The following CRYL1 variants were observed in gnomAD, a reference collection of about 807,000 sequenced individuals.
CRYL1 encodes the protein lambda-crystallin homolog.
Under a neutral mutation model 36.6 loss-of-function variants are expected in CRYL1, and 29 were observed. That is an observed-to-expected ratio of 0.79 (90% CI 0.59 to 1.08). CRYL1 has a LOEUF of 1.08. Ranked by LOEUF, CRYL1 falls within the 50% of genes least tolerant of loss-of-function variation. CRYL1 has a pLI of 0.00. For synonymous variants in CRYL1, 152 were observed against 151.5 expected, an observed-to-expected ratio of 1.00 and a Z score of -0.02; for missense variants, 411 against 407.9, an observed-to-expected ratio of 1.01 and a Z score of -0.06.
At chr13:20,406,583 G>A (rs1022864419) in intron 6 of CRYL1, among the ~76,000 whole-genome samples, 1 of 152,088 alleles carries the variant, frequency 6.6e-6, no homozygotes, top group African/African-American at 2.4e-5. Context: ...TACTGTAGAT[G>A]GCTTAGCATT....
intron 6 of CRYL1, among the ~76,000 whole-genome samples, chr13:20,412,422 T>C (rs1178013740): frequency 6.6e-6 from 1 of 152,160 alleles, no homozygotes; most frequent in Non-Finnish European, 1.5e-5. Context: ...TATTAATCTA[T>C]AGTAATTGTA....
At chr13:20,514,346 C>G (rs1392366438) in intron 1 of CRYL1, among the ~76,000 whole-genome samples, 2 of 152,134 alleles carry the variant, frequency 1.3e-5, no homozygotes, top group African/African-American at 4.8e-5. Flanking sequence ...ATGCTTTATC[C>G]CTGTGGTCTT....
intron 4 of CRYL1, among the ~76,000 whole-genome samples, chr13:20,433,422 G>A (rs931272937): frequency 1.2e-4 from 18 of 152,184 alleles, no homozygotes; most frequent in African/African-American, 4.3e-4. Flanking sequence ...TGGGTGATAG[G>A]TAGAATGTCA....
intron 2 of CRYL1, among the ~76,000 whole-genome samples, chr13:20,504,013 G>A (rs944631425): frequency 7.9e-5 from 12 of 152,162 alleles, no homozygotes; most frequent in African/African-American, 2.9e-4. Flanking sequence ...ATGTACAGAT[G>A]GTGGAGAAAC....
At position 20,497,188 on chromosome 13, in the gene CRYL1, G is replaced by A. The variant is rs920259977; in HGVS notation, c.150-7692C>T. Among the ~76,000 whole-genome samples the A allele has an allele frequency of 8.6e-5, 13 of 151,894 alleles. 1 individual carries two copies. Among genetic ancestry groups the A allele is most frequent in the Non-Finnish European group, 5.9e-5 (4 of 67,974 alleles). On this transcript the variant is annotated intron_variant, in intron 2 of 7. Transcript: ENST00000298248. ...GGCCAGACACAAGAGGCCGTTGGGG[G>A]GTGCTACAGATACCAGGGGCTTCAG...
At position 20,439,728 on chromosome 13, in the gene CRYL1, C is replaced by G; in HGVS notation, c.303G>C (p.Leu101=). Residue 101 remains leucine (L), a synonymous_variant, in exon 4 of 8, where the codon CTG becomes CTC. Transcript: ENST00000298248. Reference sequence around the variant, plus strand: ...CTAACTGAGCAAAAATCTTCTTCTTCAGTTCTAGATCTTCTGGAACACATT... The same window carrying G: ...CTAACTGAGCAAAAATCTTCTTCTTGAGTTCTAGATCTTCTGGAACACATT... ...IQECVPEDLE[L]KKKIFAQLDS... is the part of the protein sequence containing the mutation. 6.2e-7 allele frequency: 1 copy of G among 1,614,072 alleles called. No homozygotes were observed. Among genetic ancestry groups the G allele is most frequent in the Non-Finnish European group, 8.5e-7 (1 of 1,179,998 alleles).
At chr13:20,522,569 G>A (rs186675657) in intron 1 of CRYL1, among the ~76,000 whole-genome samples, 26 of 152,126 alleles carry the variant, frequency 1.7e-4, no homozygotes, top group Non-Finnish European at 2.2e-4. Flanking sequence ...TTGGGACCAC[G>A]CATGGTGGAT....
intron 1 of CRYL1, among the ~76,000 whole-genome samples, chr13:20,521,809 A>G (rs1476598839): frequency 6.6e-6 from 1 of 152,222 alleles, no homozygotes; most frequent in African/African-American, 2.4e-5. Flanking sequence ...CTTTCCAGCT[A>G]CAGTTACTTA....
chr13:20,520,626 C>T (rs1408782429), intron 1 of CRYL1, among the ~76,000 whole-genome samples: 3 of 152,124 alleles, frequency 2.0e-5, no homozygotes, highest in African/African-American at 4.8e-5. Context: ...AACAGCAGAC[C>T]GCTGACCCCT....
At chr13:20,523,184 T>C (rs2034129268) in intron 1 of CRYL1, among the ~76,000 whole-genome samples, 2 of 152,106 alleles carry the variant, frequency 1.3e-5, no homozygotes, top group Non-Finnish European at 1.5e-5. Context: ...CCCAAAGTGC[T>C]GAGATTACAG....
intron 3 of CRYL1, among the ~76,000 whole-genome samples, chr13:20,486,247 C>T (rs2033397160): frequency 6.6e-6 from 1 of 152,170 alleles, no homozygotes; most frequent in South Asian, 2.1e-4. Flanking sequence ...TAAAGAAACA[C>T]ATAAATGGTG....
intron 5 of CRYL1, chr13:20,426,712 A>G: frequency 1.0e-6 from 1 of 985,420 alleles, no homozygotes; most frequent in African/African-American, 1.7e-5. Context: ...TGTCAATTTT[A>G]CTACATGATC....
chr13:20,477,952 TAA>T (rs1366254573), intron 3 of CRYL1, among the ~76,000 whole-genome samples: 3 of 144,774 alleles, frequency 2.1e-5, no homozygotes, highest in Non-Finnish European at 4.5e-5. Context: ...TATCATTTTA[TAA>T]TATATATATT....
At chr13:20,505,507 A>G (rs1265608246) in intron 2 of CRYL1, among the ~76,000 whole-genome samples, 1 of 152,212 alleles carries the variant, frequency 6.6e-6, no homozygotes, top group Non-Finnish European at 1.5e-5. Context: ...CTCAGTCAAA[A>G]CAATTGCTGA....
intron 3 of CRYL1, among the ~76,000 whole-genome samples, chr13:20,470,736 C>T (rs545553387): frequency 7.2e-5 from 11 of 151,958 alleles, no homozygotes; most frequent in Admixed American, 5.9e-4. Context: ...TGGTGAAACC[C>T]TGTTTCCACT....
chr13:20,511,395 G>T (rs1005022100), intron 2 of CRYL1, among the ~76,000 whole-genome samples: 3 of 152,050 alleles, frequency 2.0e-5, no homozygotes, highest in Admixed American at 2.0e-4. Flanking sequence ...CCTGGACAAG[G>T]TTTTTGTTTT....
chr13:20,496,623 G>T (rs1175803132), intron 2 of CRYL1, among the ~76,000 whole-genome samples: 1 of 151,964 alleles, frequency 6.6e-6, no homozygotes, highest in Non-Finnish European at 1.5e-5. Flanking sequence ...TAAAAGCATA[G>T]ACCTGTGCCT....
intron 2 of CRYL1, among the ~76,000 whole-genome samples, chr13:20,501,666 A>G (rs1012677828): frequency 2.0e-5 from 3 of 152,202 alleles, no homozygotes; most frequent in Admixed American, 6.5e-5. Context: ...TCTCCAGCCA[A>G]CAGAAATTCT....
intron 2 of CRYL1, among the ~76,000 whole-genome samples, chr13:20,494,188 T>C (rs762950587): frequency 1.4e-4 from 22 of 152,342 alleles, no homozygotes; most frequent in Non-Finnish European, 3.1e-4. Context: ...AAAACATTCA[T>C]ATGGCAGAAG....
Sources: gnomAD v4.1 joint callset for allele counts (sites outside exome capture counted in the v4.1 genomes callset) on GRCh38, gnomAD v4.1.1 for gene constraint, MANE v1.5 for transcripts, NCBI Gene and HGNC (gene_info 2026-07-23, HGNC 2026-07-21) for gene names.